The following UGT1A5 variants were observed in gnomAD, a reference collection of about 807,000 sequenced individuals.
UGT1A5 encodes the protein UDP-glucuronosyltransferase 1A5.
UGT1A5 carries 29 observed loss-of-function variants against 40.3 expected under a neutral mutation model. The observed-to-expected ratio is 0.72, with a 90% CI of 0.54 to 0.98. The LOEUF (loss-of-function observed/expected upper bound fraction) is 0.98. UGT1A5 is among the 50% of genes least tolerant of loss of function. The pLI, the probability that UGT1A5 is intolerant of heterozygous loss-of-function variation, is 0.00. For synonymous variants in UGT1A5, 257 were observed against 262.5 expected (o/e 0.98, Z 0.20); for missense variants, 678 against 677.9 (o/e 1.00, Z 0.00).
chr2:233,731,428 C>G (rs2078158900), intron 1 of UGT1A5, among the ~76,000 whole-genome samples: 1 of 152,060 alleles, frequency 6.6e-6, no homozygotes, highest in South Asian at 2.1e-4. Context: ...AATGCCATCC[C>G]TCCCCCAGTC....
rs775448281 is a variant in UGT1A5, at chr2:233,713,196, A to G, written c.205A>G (p.Ile69Val). 9 of 1,614,120 alleles carry G rather than the reference A, an allele frequency of 5.6e-6. No individual in the cohort carries two copies. In the African/African-American group the frequency reaches 1.1e-4, roughly 19 times the overall value. ...CCTCACCCTGGAGGTGAATATGTAC[A>G]TCAAAGAAGAGAACTTTTTCACCCT... is the stretch of plus-strand genomic sequence containing the variant. ...VVLTLEVNMY[I>V]KEENFFTLTT... Residue 69 changes from isoleucine to valine, a missense_variant, in exon 1 of 5, where the codon ATC (isoleucine) becomes GTC (valine). By Grantham distance (29) the Ile-to-Val change is conservative (BLOSUM62 3). Transcript: ENST00000373414.
intron 1 of UGT1A5, among the ~76,000 whole-genome samples, chr2:233,724,330 C>T (rs1214568164): frequency 2.8e-4 from 34 of 121,600 alleles, no homozygotes; most frequent in South Asian, 1.2e-3. Context: ...GCTGGCCAGG[C>T]GGGGGGCTGA....
At chr2:233,722,497 G>A (rs147743220) in intron 1 of UGT1A5, among the ~76,000 whole-genome samples, 12 of 152,166 alleles carry the variant, frequency 7.9e-5, no homozygotes, top group African/African-American at 2.9e-4. Flanking sequence ...TTCATTTTCC[G>A]TTTCGTTAAT....
chr2:233,745,215 C>A (rs1693043227), intron 1 of UGT1A5, among the ~76,000 whole-genome samples: 1 of 151,738 alleles, frequency 6.6e-6, no homozygotes, highest in African/African-American at 2.4e-5. Context: ...TCCTCTCAGA[C>A]AAAAGGAAAT....
intron 1 of UGT1A5, among the ~76,000 whole-genome samples, chr2:233,741,259 T>C (rs551312228): frequency 6.6e-6 from 1 of 151,984 alleles, no homozygotes; most frequent in South Asian, 2.1e-4. Flanking sequence ...TGCCACTCTT[T>C]GCTGACCACT....
intron 1 of UGT1A5, among the ~76,000 whole-genome samples, chr2:233,739,419 C>T (rs1027033873): frequency 2.0e-5 from 3 of 152,176 alleles, no homozygotes; most frequent in African/African-American, 4.8e-5. Flanking sequence ...TGAAAGCAGC[C>T]AGGACGAGGG....
chr2:233,766,832 C>T (rs1042829925), intron 1 of UGT1A5, among the ~76,000 whole-genome samples: 12 of 152,168 alleles, frequency 7.9e-5, no homozygotes, highest in African/African-American at 2.9e-4. Context: ...ATTCTGTAAG[C>T]AGGAACCCTT....
intron 1 of UGT1A5, among the ~76,000 whole-genome samples, chr2:233,730,853 A>G (rs560522362): frequency 1.1e-4 from 17 of 152,196 alleles, no homozygotes; most frequent in Non-Finnish European, 2.1e-4. Context: ...ACATCACCAA[A>G]CCCACCCTAC....
At chr2:233,764,686 A>G (rs1297996810) in intron 1 of UGT1A5, among the ~76,000 whole-genome samples, 1 of 152,166 alleles carries the variant, frequency 6.6e-6, no homozygotes, top group African/African-American at 2.4e-5. Context: ...GAACTTGAAG[A>G]GCACTTGGAA....
intron 1 of UGT1A5, among the ~76,000 whole-genome samples, chr2:233,745,202 AGAT>A (rs1693037434): frequency 6.6e-6 from 1 of 151,858 alleles, no homozygotes; most frequent in Admixed American, 6.5e-5. Flanking sequence ...ACAACCAGGG[AGAT>A]CCTCTCAGAC....
chr2:233,768,384 GA>G lies in UGT1A5; in HGVS notation c.1255del (p.Met419Ter). 1.9e-6 allele frequency: 3 copies of G among 1,614,136 alleles called. No homozygotes were observed. The highest frequency in any genetic ancestry group is 2.5e-6 in the Non-Finnish European group (3 of 1,180,028). ...AGCTGGAGTGACCCTGAATGTTCTG[GA>G]AATGACTTCTGAAGATTTAGAAAAT... ...KGAGVTLNVLEMTSEDLENAL... is the reference protein window; with the variant it reads ...KGAGVTLNVLXMTSEDLENAL... On this transcript the variant is annotated frameshift_variant, in exon 4 of 5. Transcript: ENST00000373414. LOFTEE classifies it high-confidence loss of function.
intron 1 of UGT1A5, chr2:233,718,754 G>A: frequency 3.7e-6 from 6 of 1,612,386 alleles, no homozygotes; most frequent in Non-Finnish European, 5.1e-6. Flanking sequence ...GGTAATTAAG[G>A]CGAAGGAAAC....
intron 1 of UGT1A5, chr2:233,741,793 C>T (rs1691771418): frequency 6.6e-6 from 1 of 151,878 alleles, no homozygotes; most frequent in South Asian, 2.1e-4. Context: ...AAAAAATTAC[C>T]AGCATGCTGC....
chr2:233,743,154 T>C (rs3796088), intron 1 of UGT1A5: 32,247 of 360,776 alleles, frequency 0.089, 2,110 homozygotes, highest in East Asian at 0.21. Context: ...CCGCTATTCC[T>C]CCAGATGTGC....
chr2:233,755,826 A>T (rs1696033574), intron 1 of UGT1A5: 1 of 152,260 alleles, frequency 6.6e-6, no homozygotes, highest in Admixed American at 6.5e-5. Context: ...AAAAAGACAT[A>T]TTCATTGGGC....
intron 1 of UGT1A5, among the ~76,000 whole-genome samples, chr2:233,744,790 T>C (rs989648069): frequency 6.6e-5 from 10 of 152,048 alleles, no homozygotes; most frequent in Admixed American, 2.6e-4. Flanking sequence ...TGAAAAATTC[T>C]TGGGGATCCC....
chr2:233,718,384 C>A (rs1299175522), intron 1 of UGT1A5, among the ~76,000 whole-genome samples: 1 of 152,166 alleles, frequency 6.6e-6, no homozygotes, highest in Non-Finnish European at 1.5e-5. Flanking sequence ...GAAAGAGTTT[C>A]AAGGGTTAGC....
chr2:233,733,103 T>G lies in UGT1A5; in HGVS notation c.867+19245T>G, dbSNP rs137950812. ...AATGGGAGTTCACTCATGGTTTGGC[T>G]CTGTTTGTCTGTTATTGGTGTATAG... On this transcript the variant is annotated intron_variant, in intron 1 of 4. Coordinates refer to ENST00000373414, the MANE Select transcript of UGT1A5 (RefSeq NM_019078.2). Among the ~76,000 whole-genome samples the G allele has an allele frequency of 9.9e-3, 1,505 of 152,334 alleles. 21 individuals are homozygous for G. Among genetic ancestry groups the G allele is most frequent in the African/African-American group, 0.035 (1,436 of 41,572 alleles).
chr2:233,714,705 C>T (rs577508309), intron 1 of UGT1A5, among the ~76,000 whole-genome samples: 2 of 152,262 alleles, frequency 1.3e-5, no homozygotes, highest in South Asian at 2.1e-4. Context: ...AACTGTTTAA[C>T]GTAGCTTTTT....
Sources: allele counts gnomAD v4.1 joint callset (sites outside exome capture counted in the v4.1 genomes callset), GRCh38; gene constraint gnomAD v4.1.1; transcripts MANE v1.5; gene names NCBI Gene and HGNC (gene_info 2026-07-23, HGNC 2026-07-21).